Variants in LDAH observed in about 807,000 individuals in gnomAD.
The protein encoded by LDAH is lipid droplet associated hydrolase, also known as lipid droplet-associated hydrolase.
Under a neutral mutation model 29.6 loss-of-function variants are expected in LDAH, and 26 were observed. That is an observed-to-expected ratio of 0.88 (90% CI 0.64 to 1.22). The LOEUF (loss-of-function observed/expected upper bound fraction) is 1.22. Among genes scored for constraint, LDAH ranks in the 50% most tolerant of loss-of-function variants. The pLI, the probability that LDAH is intolerant of heterozygous loss-of-function variation, is 0.00. For missense variants in LDAH, 344 were observed against 387.3 expected, an observed-to-expected ratio of 0.89 and a Z score of 0.94; for synonymous variants, 117 against 133.0, an observed-to-expected ratio of 0.88 and a Z score of 0.83.
intron 6 of LDAH, among the ~76,000 whole-genome samples, chr2:20,687,942 C>T (rs569755721): frequency 6.6e-6 from 1 of 152,356 alleles, no homozygotes; most frequent in African/African-American, 2.4e-5. Context: ...TCTGTTATCA[C>T]TGAAAGACAG....
chr2:20,745,397 T>C (rs1323963515), intron 4 of LDAH, among the ~76,000 whole-genome samples: 1 of 152,230 alleles, frequency 6.6e-6, no homozygotes, highest in African/African-American at 2.4e-5. Context: ...TGCATTTCTC[T>C]GATAATTAGT....
intron 4 of LDAH, among the ~76,000 whole-genome samples, chr2:20,771,791 GCTTACACCCTTTGGACAATTTATTGCAC>G (rs1669449773): frequency 5.2e-4 from 1 of 1,920 alleles, no homozygotes; most frequent in African/African-American, 8.0e-4. Context: ...TTATTTTCTA[GCTTACACCCTTTGGACAATTTATTGCAC>G]ACATTATTTT....
chr2:20,723,319 G>A (rs1445022215), intron 5 of LDAH, among the ~76,000 whole-genome samples: 2 of 152,190 alleles, frequency 1.3e-5, no homozygotes, highest in Admixed American at 6.5e-5. Context: ...TGGAGTAAGT[G>A]AGATGGGCAG....
At chr2:20,798,817 G>A (rs891853148) in intron 2 of LDAH, among the ~76,000 whole-genome samples, 3 of 151,092 alleles carry the variant, frequency 2.0e-5, no homozygotes, top group Admixed American at 6.6e-5. Flanking sequence ...GGGAGGCGGA[G>A]GTTGCAGTGA....
chr2:20,778,744 T>C (rs1669981723), intron 3 of LDAH, among the ~76,000 whole-genome samples: 1 of 152,162 alleles, frequency 6.6e-6, no homozygotes, highest in African/African-American at 2.4e-5. Context: ...TGGATCACAA[T>C]AGAAGGGTAA....
chr2:20,749,248 A>G (rs1031633420), intron 4 of LDAH, among the ~76,000 whole-genome samples: 4 of 152,196 alleles, frequency 2.6e-5, no homozygotes, highest in South Asian at 2.1e-4. Flanking sequence ...TTTCTTCTCT[A>G]TAAGGGTCAA....
At chr2:20,807,346 G>A (rs986962629) in intron 1 of LDAH, among the ~76,000 whole-genome samples, 2 of 152,018 alleles carry the variant, frequency 1.3e-5, no homozygotes, top group Non-Finnish European at 2.9e-5. Flanking sequence ...TAGAAAAAGA[G>A]GGACACTTCC....
chr2:20,771,664 A>G (rs796262760), intron 4 of LDAH, among the ~76,000 whole-genome samples: 17 of 152,340 alleles, frequency 1.1e-4, no homozygotes, highest in African/African-American at 3.8e-4. Context: ...AATTTCAACA[A>G]TGTAGTTAAT....
At chr2:20,712,312 A>G (rs113194355) in intron 5 of LDAH, among the ~76,000 whole-genome samples, 156 of 152,342 alleles carry the variant, frequency 1.0e-3, no homozygotes, top group African/African-American at 3.7e-3. Flanking sequence ...TTAGAAGGAA[A>G]ACTAACAAAC....
At chr2:20,751,665 A>G (rs375489207) in intron 4 of LDAH, among the ~76,000 whole-genome samples, 3 of 152,282 alleles carry the variant, frequency 2.0e-5, no homozygotes, top group African/African-American at 7.2e-5. Flanking sequence ...CATTGATTTC[A>G]GGGGGAAAAA....
chr2:20,697,785 T>G (rs1296766364), intron 6 of LDAH, among the ~76,000 whole-genome samples: 6 of 152,142 alleles, frequency 3.9e-5, no homozygotes, highest in South Asian at 4.1e-4. Context: ...TTGGAAAAAT[T>G]TACATGTTTA....
chr2:20,794,289 C>G (rs1671165235), intron 2 of LDAH, among the ~76,000 whole-genome samples: 1 of 152,124 alleles, frequency 6.6e-6, no homozygotes, highest in African/African-American at 2.4e-5. Context: ...CTGAGCCCCT[C>G]CCACAACACG....
intron 2 of LDAH, among the ~76,000 whole-genome samples, chr2:20,792,480 A>T (rs1268814921): frequency 6.6e-6 from 1 of 152,222 alleles, no homozygotes; most frequent in Non-Finnish European, 1.5e-5. Flanking sequence ...TATACAAAAG[A>T]AAATCATAAT....
chr2:20,805,066 C>T (rs114001579), intron 1 of LDAH, among the ~76,000 whole-genome samples: 3,084 of 152,168 alleles, frequency 0.02, 100 homozygotes, highest in African/African-American at 0.069. Flanking sequence ...AACTGAATAC[C>T]TTCACCAGAA....
chr2:20,731,258 T>C (rs1401287640), intron 5 of LDAH, among the ~76,000 whole-genome samples: 1 of 152,208 alleles, frequency 6.6e-6, no homozygotes, highest in African/African-American at 2.4e-5. Flanking sequence ...TGGTTTCTCA[T>C]GACTTAACAC....
At position 20,686,853 on chromosome 2, in the gene LDAH, CACTG is replaced by C. The variant is rs767512711; in HGVS notation, c.*46_*49del. 6.7e-7 allele frequency: 1 copy of C among 1,503,138 alleles called. No homozygotes were observed. Among genetic ancestry groups the C allele is most frequent in the African/African-American group, 1.4e-5 (1 of 72,156 alleles). The allele number at this position is 1,503,138 out of a possible 1,614,324, so 93.1% of individuals were successfully genotyped here. The stretch of plus-strand genomic sequence containing the variant: ...AAACATTTACCTACTAAGTCTAGTA[CACTG>C]ACTGCCTCCATGTACTGGCAGTGGG... On this transcript the variant is annotated 3_prime_UTR_variant, in exon 7 of 7. Transcript: ENST00000237822.
chr2:20,720,678 G>C (rs1665583309), intron 5 of LDAH, among the ~76,000 whole-genome samples: 1 of 151,564 alleles, frequency 6.6e-6, no homozygotes, highest in Admixed American at 6.6e-5. Context: ...CCTAAGGAAA[G>C]GAAAAAACAA....
At chr2:20,705,711 T>A (rs1009077892) in intron 5 of LDAH, among the ~76,000 whole-genome samples, 1 of 152,240 alleles carries the variant, frequency 6.6e-6, no homozygotes, top group Admixed American at 6.5e-5. Flanking sequence ...TTTTTCCTAC[T>A]ATAAACATGT....
chr2:20,789,488 G>A (rs1670794969), intron 3 of LDAH: 8 of 1,225,470 alleles, frequency 6.5e-6, no homozygotes, highest in African/African-American at 1.5e-5. Context: ...AGCCCAAACT[G>A]ACTAAGACAC....
Sources: gnomAD v4.1 joint callset for allele counts (sites outside exome capture counted in the v4.1 genomes callset) on GRCh38, gnomAD v4.1.1 for gene constraint, MANE v1.5 for transcripts, NCBI Gene and HGNC (gene_info 2026-07-23, HGNC 2026-07-21) for gene names.